The following CTCF variants were observed in gnomAD, a reference collection of about 807,000 sequenced individuals.
CTCF encodes transcriptional repressor CTCF.
A neutral mutation model predicts 72.3 loss-of-function variants in CTCF; 7 were observed. That is an observed-to-expected ratio of 0.10 (90% CI 0.06 to 0.18). CTCF has a LOEUF of 0.18. CTCF is among the 10% of genes least tolerant of loss of function. CTCF has a pLI of 1.00. For missense variants in CTCF, 516 were observed against 949.1 expected (o/e 0.54, Z 6.00); for synonymous variants, 374 against 315.8 (o/e 1.18, Z -1.95).
chr16:67,571,586 A>G (rs982309433), intron 2 of CTCF, among the ~76,000 whole-genome samples: 4 of 152,224 alleles, frequency 2.6e-5, no homozygotes, highest in African/African-American at 7.2e-5. Flanking sequence ...GAACATGTAC[A>G]TAGAAAGATC....
chr16:67,619,750 AT>A (rs2052178215), intron 5 of CTCF, among the ~76,000 whole-genome samples: 1 of 152,094 alleles, frequency 6.6e-6, no homozygotes, highest in South Asian at 2.1e-4. Context: ...CACCCAACTA[AT>A]TTTTGTATTT....
rs2052437590 is a variant in CTCF, at chr16:67,636,817, C to G, written c.1965C>G (p.Pro655=). Residue 655 remains proline (P), a synonymous_variant, in exon 11 of 12, where the codon CCC becomes CCG. Transcript: ENST00000264010. ...CCGCCAAGAAGCGGAGAGGACGACC[C>G]CCTGGCAGAACCAACCAGCCCAAAC... ...PPPAKKRRGR[P]PGRTNQPKQN... is the part of the protein sequence containing the mutation. 3 of 1,598,036 alleles carry G rather than the reference C, an allele frequency of 1.9e-6. No homozygotes were observed. Among genetic ancestry groups the G allele is most frequent in the African/African-American group, 1.3e-5 (1 of 74,334 alleles).
chr16:67,638,231 T>A lies in CTCF; in HGVS notation c.*359T>A. ...GCTTCCCAGAGTTCTATGGTCTTCT[T>A]CCCAAGAGAGTTTTTAATTGTAAAT... On this transcript the variant is annotated 3_prime_UTR_variant, in exon 12 of 12. Coordinates refer to ENST00000264010, the MANE Select transcript of CTCF (RefSeq NM_006565.4). The A allele has an allele frequency of 3.8e-6, 1 of 265,600 alleles. No individual in the cohort carries two copies. The highest frequency in any genetic ancestry group is 7.2e-6 in the Non-Finnish European group (1 of 139,446). 16.5% of individuals were successfully genotyped at this position (265,600 alleles called of 1,614,324 possible).
rs1486216383 is a variant in CTCF, at chr16:67,638,624, C to T, written c.*752C>T. On this transcript the variant is annotated 3_prime_UTR_variant, in exon 12 of 12. Transcript: ENST00000264010. ...CCACTGCCCACCAGTGACGGACATG[C>T]ACGTGGCAGATCATGATTTCCAGCC... is the stretch of plus-strand genomic sequence containing the variant. 2 of 231,742 alleles carry T rather than the reference C, an allele frequency of 8.6e-6. No individual in the cohort carries two copies. The highest frequency in any genetic ancestry group is 2.2e-5 in the African/African-American group (1 of 45,220). 14.4% of individuals were successfully genotyped at this position (231,742 alleles called of 1,614,324 possible).
chr16:67,565,299 G>T (rs923312830), intron 1 of CTCF, among the ~76,000 whole-genome samples: 3 of 152,032 alleles, frequency 2.0e-5, no homozygotes, highest in Admixed American at 2.0e-4. Context: ...ATCTCGCCAG[G>T]CCAGGACCTG....
At position 67,581,763 on chromosome 16, in the gene CTCF, A is replaced by G. The variant is rs565565535; in HGVS notation, c.-10+10499A>G. On this transcript the variant is annotated intron_variant, in intron 2 of 11. Coordinates refer to ENST00000264010, the MANE Select transcript of CTCF (RefSeq NM_006565.4). ...GGTGATCCACCCACCTCGGCCTCCCAAAGTGTTGGGATTACAGACGTGAGC... is the reference window on the plus strand; with the variant it reads ...GGTGATCCACCCACCTCGGCCTCCCGAAGTGTTGGGATTACAGACGTGAGC... Among the ~76,000 whole-genome samples, 48 of 150,960 alleles carry G rather than the reference A, an allele frequency of 3.2e-4. No homozygotes were observed. The East Asian group carries it at 7.7e-3, about 24-fold the overall frequency.
At chr16:67,592,009 G>C (rs931017189) in intron 2 of CTCF, among the ~76,000 whole-genome samples, 1 of 152,010 alleles carries the variant, frequency 6.6e-6, no homozygotes, top group African/African-American at 2.4e-5. Flanking sequence ...CACTGTGCCC[G>C]ACCTGATGAC....
At position 67,637,734 on chromosome 16, in the gene CTCF, G is replaced by T; in HGVS notation, c.2046G>T (p.Glu682Asp). The T allele has an allele frequency of 6.2e-7, 1 of 1,613,886 alleles. No individual in the cohort carries two copies. Among genetic ancestry groups the T allele is most frequent in the Non-Finnish European group, 8.5e-7 (1 of 1,179,990 alleles). ...AAGACCAGAATACAGGTGCAATTGA[G>T]AACATTATAGTTGAAGTAAAAAAAG... ...QVEDQNTGAI[E>D]NIIVEVKKEP... Residue 682 changes from glutamate (E) to aspartate (D), a missense_variant, in exon 12 of 12, where the codon GAG becomes GAT. Transcript: ENST00000264010.
chr16:67,616,604 CTT>C (rs1325828438), intron 4 of CTCF, 139 bp from the exon 5 acceptor site: 2 of 925,722 alleles, frequency 2.2e-6, no homozygotes, highest in East Asian at 4.9e-5. Context: ...TCGGAGCTGA[CTT>C]TTGTATCTGC....
At chr16:67,604,331 AGTTTTGTTTTT>A (rs2051940444) in intron 2 of CTCF, among the ~76,000 whole-genome samples, 2 of 151,614 alleles carry the variant, frequency 1.3e-5, no homozygotes, top group African/African-American at 2.4e-5. Flanking sequence ...TTTTTTTGTT[AGTTTTGTTTTT>A]GTTTTGTTTG....
intron 2 of CTCF, among the ~76,000 whole-genome samples, chr16:67,577,735 C>T (rs995820443): frequency 6.6e-6 from 1 of 152,022 alleles, no homozygotes; most frequent in African/African-American, 2.4e-5. Context: ...GCGTGAGCCA[C>T]CGCTCCCAGC....
At chr16:67,569,284 C>T (rs967665773) in intron 1 of CTCF, among the ~76,000 whole-genome samples, 4 of 152,054 alleles carry the variant, frequency 2.6e-5, no homozygotes, top group Admixed American at 2.6e-4. Flanking sequence ...CTCCTGGGTT[C>T]AAACGATTCT....
chr16:67,568,555 G>C (rs1332119349), intron 1 of CTCF: 2 of 151,604 alleles, frequency 1.3e-5, no homozygotes, highest in African/African-American at 4.9e-5. Flanking sequence ...TGCCCAGCTA[G>C]TTTTTGTATT....
At chr16:67,587,145 C>T (rs1021684090) in intron 2 of CTCF, among the ~76,000 whole-genome samples, 25 of 133,214 alleles carry the variant, frequency 1.9e-4, no homozygotes, top group East Asian at 2.2e-4. Flanking sequence ...CTCGCTCTGT[C>T]GCCCAGGCTG....
chr16:67,573,144 C>G (rs1043283209), intron 2 of CTCF, among the ~76,000 whole-genome samples: 2 of 151,014 alleles, frequency 1.3e-5, no homozygotes, highest in African/African-American at 4.9e-5. Flanking sequence ...GCCAGTTTCT[C>G]GGGAGGCTGA....
At position 67,610,388 on chromosome 16, in the gene CTCF, T is replaced by C. The variant is rs188847143; in HGVS notation, c.-9-436T>C. Among the ~76,000 whole-genome samples the C allele has an allele frequency of 1.5e-3, 227 of 148,856 alleles. 1 individual carries two copies. The highest frequency in any genetic ancestry group is 5.4e-3 in the African/African-American group (219 of 40,414). ...TTTTTTTTGAGATGGAGTCTTGCTC[T>C]GTCCCCCACGCTGGAGCGCAGTGGT... On this transcript the variant is annotated intron_variant, in intron 2 of 11. Transcript: ENST00000264010.
chr16:67,604,913 A>G (rs1422966903), intron 2 of CTCF, among the ~76,000 whole-genome samples: 2 of 150,182 alleles, frequency 1.3e-5, no homozygotes, highest in Non-Finnish European at 3.0e-5. Context: ...ATATAAAATT[A>G]ATTATAGTTA....
intron 2 of CTCF, among the ~76,000 whole-genome samples, chr16:67,588,852 A>G (rs1470570907): frequency 1.3e-5 from 2 of 150,966 alleles, no homozygotes; most frequent in Admixed American, 1.3e-4. Flanking sequence ...ACACCCGGCT[A>G]ATTTTTGTAT....
intron 4 of CTCF, chr16:67,615,311 A>G (rs2052117931): frequency 6.6e-6 from 1 of 152,208 alleles, no homozygotes; most frequent in Non-Finnish European, 1.5e-5. Context: ...TTTATTTTTT[A>G]GCTTACTTTG....
Sources: gnomAD v4.1 joint callset for allele counts (sites outside exome capture counted in the v4.1 genomes callset) on GRCh38, gnomAD v4.1.1 for gene constraint, MANE v1.5 for transcripts, NCBI Gene and HGNC (gene_info 2026-07-23, HGNC 2026-07-21) for gene names.